CSNK1G2: variants seen among roughly 807,000 people sequenced by gnomAD.
CSNK1G2 encodes casein kinase 1 gamma 2, also known as casein kinase I isoform gamma-2.
CSNK1G2 carries 11 observed loss-of-function variants against 48.0 expected under a neutral mutation model. The ratio of observed to expected loss-of-function variants is 0.23; its 90% CI spans 0.14 to 0.38. CSNK1G2 has a LOEUF of 0.38. Among genes scored for constraint, CSNK1G2 ranks in the 10% least tolerant of loss-of-function variants. CSNK1G2 has a pLI of 1.00. For synonymous variants in CSNK1G2, 337 were observed against 254.1 expected (o/e 1.33, Z -3.10); for missense variants, 446 against 595.5 (o/e 0.75, Z 2.61).
chr19:1,960,042 G>T (rs1234497533), intron 1 of CSNK1G2, among the ~76,000 whole-genome samples: 2 of 152,206 alleles, frequency 1.3e-5, no homozygotes, highest in African/African-American at 4.8e-5. Context: ...CCTGGGGGAA[G>T]CCAGGCAGGC....
intron 1 of CSNK1G2, chr19:1,953,829 C>T (rs367882144): frequency 1.3e-4 from 68 of 529,020 alleles, no homozygotes; most frequent in Middle Eastern, 3.2e-4. Flanking sequence ...CTGTGGCCCT[C>T]CTGTGTTCTT....
intron 1 of CSNK1G2, chr19:1,959,313 CCCACT>C (rs2015111447): frequency 6.6e-6 from 1 of 152,266 alleles, no homozygotes; most frequent in African/African-American, 2.4e-5. Flanking sequence ...TGTGAGTGTC[CCCACT>C]CCCTTGTCTG....
chr19:1,950,312 T>C (rs1417964357), intron 1 of CSNK1G2, among the ~76,000 whole-genome samples: 1 of 148,618 alleles, frequency 6.7e-6, no homozygotes, highest in Non-Finnish European at 1.5e-5. Context: ...GCTAATTGTT[T>C]GTATTTTTAG....
intron 1 of CSNK1G2, among the ~76,000 whole-genome samples, chr19:1,946,303 T>A (rs1191206295): frequency 6.6e-6 from 1 of 150,792 alleles, no homozygotes; most frequent in Non-Finnish European, 1.5e-5. Flanking sequence ...ATTTATTTAT[T>A]TTTTTTAAGA....
intron 1 of CSNK1G2, among the ~76,000 whole-genome samples, chr19:1,941,745 C>G (rs2014370831): frequency 6.6e-6 from 1 of 150,522 alleles, no homozygotes; most frequent in Non-Finnish European, 1.5e-5. Flanking sequence ...CCCCAGTGAC[C>G]CTCACACTCC....
intron 1 of CSNK1G2, among the ~76,000 whole-genome samples, chr19:1,944,464 G>A (rs2014480433): frequency 6.6e-6 from 1 of 152,186 alleles, no homozygotes; most frequent in African/African-American, 2.4e-5. Flanking sequence ...TAGAGGAGAA[G>A]GTGGTGTTTC....
chr19:1,951,855 T>C (rs1199991294), intron 1 of CSNK1G2, among the ~76,000 whole-genome samples: 1 of 151,812 alleles, frequency 6.6e-6, no homozygotes, highest in African/African-American at 2.4e-5. Flanking sequence ...TAATTTTTTG[T>C]ATTTTTAGTA....
chr19:1,978,381 GC>G lies in CSNK1G2; in HGVS notation c.228+42del, dbSNP rs748354078. The G allele has an allele frequency of 3.7e-6, 6 of 1,611,944 alleles. No homozygotes were observed. The highest frequency in any genetic ancestry group is 5.1e-6 in the Non-Finnish European group (6 of 1,178,944). On this transcript the variant is annotated intron_variant, in intron 3 of 11. Transcript: ENST00000255641. This position sits in a 1 kb window ranked among gnomAD's most constrained non-coding sequence, Gnocchi z 7.3. ...CCCTCCACCCCACCCCCGCTGACGT[GC>G]CCCCCAGGGATTTCAGGGCAGCGAC...
chr19:1,958,248 G>T (rs903142491), intron 1 of CSNK1G2, among the ~76,000 whole-genome samples: 3 of 152,150 alleles, frequency 2.0e-5, no homozygotes, highest in Non-Finnish European at 4.4e-5. Flanking sequence ...CTTCCTTCTC[G>T]GTGGTTCCCA....
intron 1 of CSNK1G2, chr19:1,953,800 G>A (rs1235305075): frequency 4.0e-6 from 2 of 505,926 alleles, no homozygotes; most frequent in South Asian, 2.9e-5. Flanking sequence ...TCCGGTCCTG[G>A]CCGCTGTACC....
rs1186272719 is a variant in CSNK1G2, at chr19:1,957,329, A to G, written c.-265-12179A>G. On this transcript the variant is annotated intron_variant, in intron 1 of 11. Transcript: ENST00000255641. This position sits in a 1 kb window ranked among gnomAD's most constrained non-coding sequence, Gnocchi z 5.4. ...GGATGAGAAGCAGTGTGTGCCCGGG[A>G]GGTCACGTGGGCACCACAGACGAAA... Among the ~76,000 whole-genome samples, 1 of 152,164 alleles carries G rather than the reference A, an allele frequency of 6.6e-6. No individual in the cohort carries two copies. The highest frequency in any genetic ancestry group is 1.5e-5 in the Non-Finnish European group (1 of 68,028).
chr19:1,964,657 G>GT (rs2015307585), intron 1 of CSNK1G2, among the ~76,000 whole-genome samples: 1 of 152,026 alleles, frequency 6.6e-6, no homozygotes, highest in South Asian at 2.1e-4. Context: ...CAGCACATCT[G>GT]TTTAACACCT....
At chr19:1,948,400 G>A (rs975626442) in intron 1 of CSNK1G2, among the ~76,000 whole-genome samples, 4 of 152,090 alleles carry the variant, frequency 2.6e-5, no homozygotes, top group African/African-American at 9.7e-5. Context: ...GCAGGCGCCT[G>A]TACTCCCAGC....
Position 1,980,472 on chromosome 19 carries a change from G to A in CSNK1G2, c.*269G>A, listed in dbSNP as rs766119233. On this transcript the variant is annotated 3_prime_UTR_variant, in exon 12 of 12. Coordinates refer to ENST00000255641, the MANE Select transcript of CSNK1G2 (RefSeq NM_001319.7). ...TTAACTATTTAAAACAAGGAAAAGA[G>A]GAAAAAAAAAACAGAGGCCCGCCCT... 6 of 516,818 alleles carry A rather than the reference G, an allele frequency of 1.2e-5. No individual in the cohort carries two copies. Among genetic ancestry groups the A allele is most frequent in the Middle Eastern group, 4.1e-4 (1 of 2,432 alleles). 32.0% of individuals were successfully genotyped at this position (516,818 alleles called of 1,614,324 possible).
chr19:1,956,724 G>A lies in CSNK1G2; in HGVS notation c.-265-12784G>A, dbSNP rs529333423. 3.3e-5 allele frequency among the ~76,000 whole-genome samples: 5 copies of A among 152,274 alleles called. No homozygotes were observed. In the East Asian group the frequency reaches 7.7e-4, roughly 24 times the overall value. On this transcript the variant is annotated intron_variant, in intron 1 of 11. Transcript: ENST00000255641. ...TGGGAGAGTGTTTAAGGAGGTGGCG[G>A]TTACAGACTCCAGCATCGGGACACG...
chr19:1,962,018 C>A (rs1411835971), intron 1 of CSNK1G2, among the ~76,000 whole-genome samples: 6 of 152,148 alleles, frequency 3.9e-5, no homozygotes. Context: ...CAGGAGTCAG[C>A]CAAAAACACG....
intron 2 of CSNK1G2, among the ~76,000 whole-genome samples, chr19:1,973,781 A>G (rs2015657864): frequency 6.6e-6 from 1 of 152,040 alleles, no homozygotes; most frequent in Non-Finnish European, 1.5e-5. Context: ...GTGCACATTC[A>G]CTTTGGCCAT....
At position 1,978,773 on chromosome 19, in the gene CSNK1G2, C is replaced by T; in HGVS notation, c.447+23C>T. 1 of 394,966 alleles carries T rather than the reference C, an allele frequency of 2.5e-6. No homozygotes were observed. Among genetic ancestry groups the T allele is most frequent in the South Asian group, 2.1e-5 (1 of 47,152 alleles). 24.5% of individuals were successfully genotyped at this position (394,966 alleles called of 1,614,324 possible). ...CTGGTGCGCGGCGGGCGGGGCGGGG[C>T]GGGGCTCGGAGGGAAGAGGGTGGCC... On this transcript the variant is annotated intron_variant, in intron 5 of 11. Coordinates refer to ENST00000255641, the MANE Select transcript of CSNK1G2 (RefSeq NM_001319.7). The surrounding 1 kb of genome is among the most constrained non-coding windows in gnomAD (Gnocchi z 7.3).
intron 1 of CSNK1G2, among the ~76,000 whole-genome samples, chr19:1,945,503 A>G (rs2014522848): frequency 6.6e-6 from 1 of 152,192 alleles, no homozygotes; most frequent in Non-Finnish European, 1.5e-5. Flanking sequence ...GGCCCGAGAC[A>G]GTTTCGCGTG....
Sources: allele counts gnomAD v4.1 joint callset (sites outside exome capture counted in the v4.1 genomes callset), GRCh38; gene constraint gnomAD v4.1.1; non-coding constraint Gnocchi (gnomAD v3.1); transcripts MANE v1.5; gene names NCBI Gene and HGNC (gene_info 2026-07-23, HGNC 2026-07-21).